The following COL5A3 variants were observed in gnomAD, a reference collection of about 807,000 sequenced individuals.
The protein encoded by COL5A3 is collagen type V alpha 3 chain.
A neutral mutation model predicts 250.0 loss-of-function variants in COL5A3; 172 were observed. The ratio of observed to expected loss-of-function variants is 0.69; its 90% CI spans 0.61 to 0.78. COL5A3 has a LOEUF of 0.78. COL5A3 is among the 30% of genes least tolerant of loss of function. The pLI is 0.00. For synonymous variants in COL5A3, 937 were observed against 900.4 expected, an observed-to-expected ratio of 1.04 and a Z score of -0.73; for missense variants, 2,340 against 2,334.4, an observed-to-expected ratio of 1.00 and a Z score of -0.05.
At position 10,003,585 on chromosome 19, in the gene COL5A3, G is replaced by T. The variant is rs750280218; in HGVS notation, c.829C>A (p.Pro277Thr). The T allele has an allele frequency of 1.5e-5, 25 of 1,614,176 alleles. No homozygotes were observed. Among genetic ancestry groups the T allele is most frequent in the Non-Finnish European group, 2.1e-5 (25 of 1,180,030 alleles). The change falls in exon 6 of 67, where the codon CCT becomes ACT. Residue 277 changes from proline (P) to threonine (T), a missense_variant. Around this residue, in one of 3 missense-constraint regions of COL5A3, gnomAD observed 1,152 missense variants for 1,146.3 expected, o/e 1.00. Coordinates refer to ENST00000264828, the MANE Select transcript of COL5A3 (RefSeq NM_015719.4). ...NKEIWTSSPP[P>T]DSAENQTSTD... ...CTTACCTGGTTCTCTGCGGAGTCAG[G>T]AGGTGGACTTGAGGTCCAAATTTCC... is the stretch of plus-strand genomic sequence containing the variant.
intron 29 of COL5A3, 40 bp from the exon 30 acceptor site, chr19:9,986,462 C>A: frequency 6.2e-7 from 1 of 1,610,014 alleles, no homozygotes; most frequent in Non-Finnish European, 8.5e-7. Context: ...CATCTTTTGT[C>A]CTTCCTGCTC....
rs755129959 is a variant in COL5A3 at position 9,969,576 on chromosome 19, A to G, written c.4097T>C (p.Val1366Ala). The change falls in exon 56 of 67, where the codon GTG (valine) becomes GCG (alanine). Residue 1366 changes from valine (V) to alanine (A), a missense_variant and splice_region_variant. By Grantham distance (64) the Val-to-Ala change is moderately conservative. Around this residue, in one of 3 missense-constraint regions of COL5A3, gnomAD observed 1,179 missense variants for 1,162.6 expected, o/e 1.01. Transcript: ENST00000264828. ...PEGLRGIPGPVGEPGLLGAPG... is the reference protein window; with the variant it reads ...PEGLRGIPGPAGEPGLLGAPG... ...CCACCCCTGCCCCGCTCCACTCACC[A>G]CAGGGCCAGGGATCCCTCGAAGACC... The G allele has an allele frequency of 5.0e-6, 8 of 1,611,256 alleles. No individual in the cohort carries two copies. The highest frequency in any genetic ancestry group is 6.8e-6 in the Non-Finnish European group (8 of 1,179,154).
chr19:9,968,954 TG>T lies in COL5A3; in HGVS notation c.4153-227del, dbSNP rs2086792261. On this transcript the variant is annotated intron_variant, in intron 57 of 66. Transcript: ENST00000264828. This position sits in a 1 kb window ranked among gnomAD's most constrained non-coding sequence, Gnocchi z 4.1. ...GAGTGGTCAGTGGCCAAGGTCAGCG[TG>T]GGTGATCAGTGTAGACCATTAAGAT... 6.4e-6 allele frequency: 4 copies of T among 620,680 alleles called. No individual in the cohort carries two copies. Among genetic ancestry groups the T allele is most frequent in the Non-Finnish European group, 1.1e-5 (4 of 352,182 alleles). The allele number at this position is 620,680 out of a possible 1,614,324, so 38.4% of individuals were successfully genotyped here.
intron 11 of COL5A3, 198 bp from the exon 12 acceptor site, chr19:9,996,887 A>C: frequency 3.5e-6 from 2 of 576,298 alleles, no homozygotes; most frequent in Non-Finnish European, 6.0e-6. Flanking sequence ...GAGATGGAAC[A>C]GAGACAAAGA....
intron 15 of COL5A3, 40 bp downstream of exon 15, chr19:9,996,026 C>T (rs1382507792): frequency 2.0e-6 from 3 of 1,500,984 alleles, no homozygotes; most frequent in Non-Finnish European, 1.8e-6. Context: ...TGGGGGAAGG[C>T]TATTCCCATC....
intron 54 of COL5A3, 65 bp downstream of exon 54, chr19:9,970,557 G>T: frequency 9.0e-7 from 1 of 1,110,418 alleles, no homozygotes; most frequent in South Asian, 2.3e-5. Flanking sequence ...TGGGATGAGT[G>T]AGGTCTGTAA....
chr19:9,970,728 G>T, intron 53 of COL5A3, 53 bp from the exon 54 acceptor site: 1 of 1,354,968 alleles, frequency 7.4e-7, no homozygotes, highest in Non-Finnish European at 9.6e-7. Flanking sequence ...GTTTGAGCCT[G>T]ACTGTTTTAG....
rs1191521605 is a variant in COL5A3 at position 9,977,452 on chromosome 19, G to A, written c.3147C>T (p.Gly1049=). Reference sequence around the variant, plus strand: ...CTGGGATCCCATCTTTGCCAGTGGGGCCAGGGGGGCCACGTTCTCCCTGTT... The same window carrying A: ...CTGGGATCCCATCTTTGCCAGTGGGACCAGGGGGGCCACGTTCTCCCTGTT... The part of the protein sequence containing the change: ...KGSRGERGPP[G]PTGKDGIPGP... The change falls in exon 43 of 67, where the codon GGC becomes GGT. Residue 1049 remains glycine (G), a synonymous_variant. Transcript: ENST00000264828. 1 of 1,519,672 alleles carries A rather than the reference G, an allele frequency of 6.6e-7. No homozygotes were observed. Among genetic ancestry groups the A allele is most frequent in the South Asian group, 1.3e-5 (1 of 75,398 alleles). 94.1% of individuals were successfully genotyped at this position (1,519,672 alleles called of 1,614,324 possible). A position where few individuals can be genotyped will look rare whatever the true frequency, so the allele number is the denominator to read the frequency against.
At chr19:9,963,372 A>AC (rs2086696877) in intron 64 of COL5A3, among the ~76,000 whole-genome samples, 1 of 150,056 alleles carries the variant, frequency 6.7e-6, no homozygotes, top group Admixed American at 6.6e-5. Context: ...ACAGGCATGT[A>AC]CCCCCATGCC....
rs746251910 is a variant in COL5A3, at chr19:9,980,677, C to T, written c.2575G>A (p.Asp859Asn). The T allele has an allele frequency of 6.2e-7, 1 of 1,613,994 alleles. No individual in the cohort carries two copies. The highest frequency in any genetic ancestry group is 1.6e-4 in the Middle Eastern group (1 of 6,062). Residue 859 changes from aspartate (D) to asparagine (N), a missense_variant, in exon 35 of 67, where the codon GAT becomes AAT. Physicochemically the swap from Asp to Asn is conservative, Grantham distance 23 (BLOSUM62 1). This residue lies in a region of COL5A3 where 1,152 missense variants were observed against 1,146.3 expected (regional missense o/e 1.00). Transcript: ENST00000264828. ...QPGPKGDVGQ[D>N]GAPGIPGEKG... ...TCTCCAGGGATCCCAGGGGCTCCAT[C>T]CTGGCCCACATCGCCCTAGGACAGA...
chr19:10,004,278 A>C (rs2087408242), intron 4 of COL5A3, 133 bp from the exon 5 acceptor site: 1 of 650,418 alleles, frequency 1.5e-6, no homozygotes, highest in Non-Finnish European at 2.8e-6. Context: ...GAGCATGCTA[A>C]GTATAAGGAA....
intron 11 of COL5A3, 101 bp downstream of exon 11, chr19:9,997,270 T>A: frequency 2.3e-6 from 2 of 874,792 alleles, no homozygotes; most frequent in Admixed American, 4.0e-5. Flanking sequence ...CGGGATGGTG[T>A]TCCCGAGTGC....
chr19:9,968,313 C>A lies in COL5A3; in HGVS notation c.4314+72G>T. ...TTAATCCAGACCCACGTTTCCCAGA[C>A]CCCACACCCACAGTCTCTCAACCGA... On this transcript the variant is annotated intron_variant, in intron 59 of 66. Coordinates refer to ENST00000264828, the MANE Select transcript of COL5A3 (RefSeq NM_015719.4). The surrounding 1 kb of genome is among the most constrained non-coding windows in gnomAD (Gnocchi z 4.1). The A allele has an allele frequency of 7.7e-7, 1 of 1,303,136 alleles. No individual in the cohort carries two copies. Among genetic ancestry groups the A allele is most frequent in the African/African-American group, 1.5e-5 (1 of 66,892 alleles). 80.7% of individuals were successfully genotyped at this position (1,303,136 alleles called of 1,614,324 possible). A position where few individuals can be genotyped will look rare whatever the true frequency, so the allele number is the denominator to read the frequency against.
chr19:9,977,541 G>A (rs2086940122), intron 42 of COL5A3, 53 bp downstream of exon 42: 1 of 1,515,398 alleles, frequency 6.6e-7, no homozygotes, highest in Non-Finnish European at 8.9e-7. Flanking sequence ...CCTGGGATGT[G>A]GCAGGGCCAG....
In COL5A3 at chr19:10,008,501, A is replaced by C. The variant is rs534329403; in HGVS notation, c.88+1797T>G. On this transcript the variant is annotated intron_variant, in intron 1 of 66. Coordinates refer to ENST00000264828, the MANE Select transcript of COL5A3 (RefSeq NM_015719.4). Reference sequence around the variant, plus strand: ...CCTGCCACTCTCCCCTGTGCTGGTCAGGGCCCCCACGGGGATGTTGGGTGG... The same window carrying C: ...CCTGCCACTCTCCCCTGTGCTGGTCCGGGCCCCCACGGGGATGTTGGGTGG... 1.4e-3 allele frequency among the ~76,000 whole-genome samples: 208 copies of C among 152,192 alleles called. 2 individuals are homozygous for C. Among genetic ancestry groups the C allele is most frequent in the Non-Finnish European group, 2.5e-3 (170 of 67,984 alleles).
At chr19:9,967,061 CAG>C (rs968027807) in intron 62 of COL5A3, among the ~76,000 whole-genome samples, 1 of 151,392 alleles carries the variant, frequency 6.6e-6, no homozygotes, top group African/African-American at 2.4e-5. Context: ...CCAGTATAGA[CAG>C]AGACAGATAA....
In COL5A3 at chr19:9,974,021, A is replaced by T. The variant is rs114255146; in HGVS notation, c.3505-49T>A. On this transcript the variant is annotated intron_variant, in intron 47 of 66. Coordinates refer to ENST00000264828, the MANE Select transcript of COL5A3 (RefSeq NM_015719.4). ...CCAGTGACCCCAGGCCCCTCTCCCC[A>T]AAAGGCCACATTGACCACAGATACC... The T allele has an allele frequency of 1.3e-3, 1,996 of 1,522,758 alleles. 22 individuals carry two copies. The African/African-American group carries it at 0.024, about 19-fold the overall frequency. 94.3% of individuals were successfully genotyped at this position (1,522,758 alleles called of 1,614,324 possible).
intron 8 of COL5A3, among the ~76,000 whole-genome samples, chr19:10,001,134 A>AT (rs1375959619): frequency 2.0e-5 from 3 of 151,912 alleles, no homozygotes; most frequent in Non-Finnish European, 4.4e-5. Flanking sequence ...AAATTAAATA[A>AT]TTTTTTTAAA....
At chr19:10,003,458 T>G in intron 6 of COL5A3, 107 bp downstream of exon 6, 1 of 1,088,524 alleles carries the variant, frequency 9.2e-7, no homozygotes, top group Non-Finnish European at 1.4e-6. Context: ...GACCAGAGAT[T>G]AGTAGAGATG....
Sources: gnomAD v4.1 joint callset for allele counts (sites outside exome capture counted in the v4.1 genomes callset) on GRCh38, gnomAD v4.1.1 for gene constraint, gnomAD v4.1.1 regional missense constraint, Gnocchi (gnomAD v3.1) non-coding constraint, MANE v1.5 for transcripts, NCBI Gene and HGNC (gene_info 2026-07-23, HGNC 2026-07-21) for gene names.